The following CDH13 variants were observed in gnomAD, a reference collection of about 807,000 sequenced individuals.
The protein encoded by CDH13 is cadherin 13.
A neutral mutation model predicts 63.8 loss-of-function variants in CDH13; 24 were observed. The ratio of observed to expected loss-of-function variants is 0.38; its 90% CI spans 0.27 to 0.53. The LOEUF (loss-of-function observed/expected upper bound fraction) is 0.53. CDH13 is among the 20% of genes least tolerant of loss of function. The pLI is 0.85. For synonymous variants in CDH13, 503 were observed against 355.3 expected (o/e 1.42, Z -4.67); for missense variants, 1,049 against 903.1 (o/e 1.16, Z -2.07).
At position 83,421,925 on chromosome 16, in the gene CDH13, C is replaced by G. The variant is rs1056772067; in HGVS notation, c.782-64552C>G. ...AAGCAGGAAACAAAGTTTTGGCAAT[C>G]CTTAGCCATGATATTTTGGTTGCTA... On this transcript the variant is annotated intron_variant, in intron 6 of 13. Transcript: ENST00000567109. Among the ~76,000 whole-genome samples the G allele has an allele frequency of 5.3e-5, 8 of 152,326 alleles. No individual in the cohort carries two copies. The South Asian group carries it at 1.7e-3, about 32-fold the overall frequency.
chr16:83,481,996 C>G (rs978400406), intron 6 of CDH13, among the ~76,000 whole-genome samples: 16 of 152,114 alleles, frequency 1.1e-4, no homozygotes, highest in African/African-American at 3.6e-4. Flanking sequence ...GCACTGAGGC[C>G]CACCTGCTGC....
chr16:83,417,146 A>T lies in CDH13; in HGVS notation c.782-69331A>T, dbSNP rs188198685. Among the ~76,000 whole-genome samples, 24 of 152,306 alleles carry T rather than the reference A, an allele frequency of 1.6e-4. No individual in the cohort carries two copies. The South Asian group carries it at 1.7e-3, about 11-fold the overall frequency. On this transcript the variant is annotated intron_variant, in intron 6 of 13. Coordinates refer to ENST00000567109, the MANE Select transcript of CDH13 (RefSeq NM_001257.5). ...AAGAGAGGTTAATTAGCCCAAGGACACACAGTTTCCCCAAGATCAAAGAGT... is the reference window on the plus strand; with the variant it reads ...AAGAGAGGTTAATTAGCCCAAGGACTCACAGTTTCCCCAAGATCAAAGAGT...
rs1394412542 is a variant in CDH13, at chr16:83,217,822, G to A, written c.636+325G>A. On this transcript the variant is annotated intron_variant, in intron 5 of 13. Coordinates refer to ENST00000567109, the MANE Select transcript of CDH13 (RefSeq NM_001257.5). ...CCAGAGACCAGCTTGATGATCTAGA[G>A]CTGGAAGAGGTATAAACCCCAAGAC... Among the ~76,000 whole-genome samples, 4 of 152,168 alleles carry A rather than the reference G, an allele frequency of 2.6e-5. No individual in the cohort carries two copies. The South Asian group carries it at 8.3e-4, about 32-fold the overall frequency.
chr16:83,108,438 C>G (rs2034890310), intron 3 of CDH13, among the ~76,000 whole-genome samples: 1 of 152,228 alleles, frequency 6.6e-6, no homozygotes, highest in Non-Finnish European at 1.5e-5. Flanking sequence ...GGAATAATAA[C>G]TCTCAGCAAA....
At chr16:83,706,207 G>T (rs1907021027) in intron 10 of CDH13, among the ~76,000 whole-genome samples, 1 of 152,292 alleles carries the variant, frequency 6.6e-6, no homozygotes, top group Non-Finnish European at 1.5e-5. Flanking sequence ...TCTCCACGAG[G>T]CCTGGGCTCT....
At chr16:83,140,875 C>G (rs1261128012) in intron 4 of CDH13, among the ~76,000 whole-genome samples, 1 of 152,166 alleles carries the variant, frequency 6.6e-6, no homozygotes, top group Non-Finnish European at 1.5e-5. Context: ...TTTAAGGCAC[C>G]AAGAATGCCC....
intron 7 of CDH13, among the ~76,000 whole-genome samples, chr16:83,597,910 A>G (rs1907425003): frequency 6.6e-6 from 1 of 152,202 alleles, no homozygotes; most frequent in African/African-American, 2.4e-5. Context: ...GCTTTGATTT[A>G]TTTTATTGCA....
At chr16:82,940,053 A>G (rs910255438) in intron 2 of CDH13, among the ~76,000 whole-genome samples, 21 of 152,172 alleles carry the variant, frequency 1.4e-4, no homozygotes, top group Admixed American at 8.5e-4. Flanking sequence ...AGATTTCATG[A>G]GACTTATTCA....
chr16:83,285,096 T>C (rs1323010060), intron 5 of CDH13, among the ~76,000 whole-genome samples: 1 of 152,212 alleles, frequency 6.6e-6, no homozygotes, highest in East Asian at 1.9e-4. Context: ...GGAACGGCTT[T>C]TTAACCTTCA....
intron 1 of CDH13, among the ~76,000 whole-genome samples, chr16:82,776,242 G>T (rs2035489609): frequency 6.9e-6 from 1 of 144,928 alleles, no homozygotes; most frequent in South Asian, 2.5e-4. Flanking sequence ...AGGAAGGAAG[G>T]GATTAAGGGA....
At chr16:82,891,846 T>C (rs1487550461) in intron 2 of CDH13, among the ~76,000 whole-genome samples, 2 of 152,208 alleles carry the variant, frequency 1.3e-5, no homozygotes, top group African/African-American at 4.8e-5. Flanking sequence ...TGGACATTCA[T>C]ATATGTGAAT....
chr16:83,158,027 C>T (rs539452594), intron 4 of CDH13, among the ~76,000 whole-genome samples: 2 of 152,206 alleles, frequency 1.3e-5, no homozygotes, highest in South Asian at 4.2e-4. Flanking sequence ...GAACTCATTC[C>T]AGGTATCATG....
At chr16:82,991,158 A>G (rs1272930847) in intron 2 of CDH13, among the ~76,000 whole-genome samples, 1 of 152,212 alleles carries the variant, frequency 6.6e-6, no homozygotes, top group Non-Finnish European at 1.5e-5. Flanking sequence ...GACAACTTAG[A>G]TGGCCTGGAA....
At chr16:83,618,140 T>G (rs1909454522) in intron 8 of CDH13, among the ~76,000 whole-genome samples, 1 of 134,252 alleles carries the variant, frequency 7.4e-6, no homozygotes, top group African/African-American at 3.6e-5. Context: ...GCAAAGCACT[T>G]GCGGCCAGGC....
Position 83,456,892 on chromosome 16 carries a change from G to A in CDH13, c.782-29585G>A, listed in dbSNP as rs374743312. Among the ~76,000 whole-genome samples, 545 of 152,318 alleles carry A rather than the reference G, an allele frequency of 3.6e-3. 9 individuals are homozygous for A. The South Asian group carries it at 0.041, about 11-fold the overall frequency. ...CAGGAGAGTCACTTGAACCTGGGAG[G>A]CGGATGTTGCAGTGAGCTGAGAAGA... On this transcript the variant is annotated intron_variant, in intron 6 of 13. Coordinates refer to ENST00000567109, the MANE Select transcript of CDH13 (RefSeq NM_001257.5).
intron 8 of CDH13, among the ~76,000 whole-genome samples, chr16:83,625,486 C>A (rs1359114709): frequency 6.6e-6 from 1 of 152,206 alleles, no homozygotes. Context: ...GGACTGCGTG[C>A]TGAGAGCCGA....
chr16:83,699,574 G>A (rs956046976), intron 10 of CDH13, among the ~76,000 whole-genome samples: 4 of 152,142 alleles, frequency 2.6e-5, no homozygotes, highest in Admixed American at 2.6e-4. Context: ...GCCTGTGCCA[G>A]CCTGTGGCAT....
At chr16:82,946,345 T>C (rs954271050) in intron 2 of CDH13, among the ~76,000 whole-genome samples, 21 of 152,124 alleles carry the variant, frequency 1.4e-4, no homozygotes, top group Non-Finnish European at 4.4e-5. Flanking sequence ...ACATAAGTAG[T>C]AATATTACTT....
intron 4 of CDH13, among the ~76,000 whole-genome samples, chr16:83,130,988 A>G (rs2036019325): frequency 6.6e-6 from 1 of 152,208 alleles, no homozygotes; most frequent in African/African-American, 2.4e-5. Flanking sequence ...AGGCAGCTCC[A>G]GGGATGAGAG....
Sources: gnomAD v4.1 joint callset for allele counts (sites outside exome capture counted in the v4.1 genomes callset) on GRCh38, gnomAD v4.1.1 for gene constraint, MANE v1.5 for transcripts, NCBI Gene and HGNC (gene_info 2026-07-23, HGNC 2026-07-21) for gene names.